Variants in CFP observed in about 807,000 individuals in gnomAD.
The protein encoded by CFP is complement factor properdin, also known as properdin.
A neutral mutation model predicts 42.1 loss-of-function variants in CFP; 14 were observed. The ratio of observed to expected loss-of-function variants is 0.33; its 90% CI spans 0.22 to 0.52. CFP has a LOEUF of 0.52. CFP is among the 20% of genes least tolerant of loss of function. The pLI, the probability that CFP is intolerant of heterozygous loss-of-function variation, is 0.96. For missense variants in CFP, 318 were observed against 400.4 expected, an observed-to-expected ratio of 0.79 and a Z score of 1.76; for synonymous variants, 149 against 160.6, an observed-to-expected ratio of 0.93 and a Z score of 0.54.
At position 47,626,958 on chromosome X, in the gene CFP, G is replaced by C. The variant is rs753693226; in HGVS notation, c.767-12C>G. ...CCAGCCCCCAGCCACTGTTGGAGGA[G>C]GAAAGGGAGTGAGGAGAAAGGCCTC... On this transcript the variant is annotated splice_polypyrimidine_tract_variant and intron_variant, in intron 5 of 8. Transcript: ENST00000396992. 5 of 1,173,833 alleles carry C rather than the reference G, an allele frequency of 4.3e-6. No homozygotes were observed. In the South Asian group the frequency reaches 9.4e-5, roughly 22 times the overall value.
Position 47,629,885 on chromosome X carries a change from C to A in CFP, c.-41G>T. 6 of 1,140,116 alleles carry A rather than the reference C, an allele frequency of 5.3e-6. No homozygotes were observed. The highest frequency in any genetic ancestry group is 7.1e-6 in the Non-Finnish European group (6 of 848,047). The allele number at this position is 1,140,116 out of a possible 1,213,427, so 94.0% of individuals were successfully genotyped here. On this transcript the variant is annotated 5_prime_UTR_variant, in exon 1 of 9. Coordinates refer to ENST00000396992, the MANE Select transcript of CFP (RefSeq NM_001145252.3). The stretch of plus-strand genomic sequence containing the variant: ...CTGCACCTCTACCAGAGAGGAGGTC[C>A]CGCTTTATCTGGGTTGATAGGCTCC...
chrX:47,626,485 G>A lies in CFP; in HGVS notation c.975C>T (p.Ser325=). 1.7e-6 allele frequency: 2 copies of A among 1,211,762 alleles called. No homozygotes were observed. The highest frequency in any genetic ancestry group is 2.2e-6 in the Non-Finnish European group (2 of 895,444). The stretch of plus-strand genomic sequence containing the variant: ...ACTTCATGTTCCGTCGGATACAGGG[G>A]CTCCACTCCCCCCACGAGTCCCACT... ...DGEWDSWGEW[S]PCIRRNMKSI... is the part of the protein sequence containing the mutation. The change falls in exon 7 of 9, where the codon AGC becomes AGT. Residue 325 remains serine (S), a synonymous_variant. Transcript: ENST00000396992.
Position 47,626,387 on chromosome X carries a change from T to C in CFP, c.1073A>G (p.His358Arg). The C allele has an allele frequency of 5.0e-6, 6 of 1,211,608 alleles. No homozygotes were observed. The highest frequency in any genetic ancestry group is 6.7e-6 in the Non-Finnish European group (6 of 895,427). Residue 358 changes from histidine to arginine, a missense_variant, in exon 7 of 9, where the codon CAT becomes CGT. By Grantham distance (29) the His-to-Arg change is conservative. Coordinates refer to ENST00000396992, the MANE Select transcript of CFP (RefSeq NM_001145252.3). Reference protein sequence around the residue: ...RTCRGRKFDGHRCAGQQQDIR... With the variant: ...RTCRGRKFDGRRCAGQQQDIR... ...ATCCTGCTGTTGCCCGGCACATCGA[T>C]GTCCGTCAAACTTGCGGCCCCTGCA...
chrX:47,627,119 C>T (rs1244249716), intron 5 of CFP, 22 bp downstream of exon 5: 14 of 1,209,631 alleles, frequency 1.2e-5, no homozygotes, highest in Non-Finnish European at 1.5e-5. Context: ...CCAGCAACAT[C>T]AGCAGCCTCA....
chrX:47,626,895 C>T lies in CFP; in HGVS notation c.818G>A (p.Cys273Tyr), dbSNP rs1183337337. ...TTGTTCCATGGTCTGGCCCAGGCCA[C>T]AGGTCACAGGGCAGGGGCTCACAGG... ...WGPVSPCPVT[C>Y]GLGQTMEQRT... The change falls in exon 6 of 9, where the codon TGT becomes TAT. Residue 273 changes from cysteine (C) to tyrosine (Y), a missense_variant. Coordinates refer to ENST00000396992, the MANE Select transcript of CFP (RefSeq NM_001145252.3). 1 of 1,198,926 alleles carries T rather than the reference C, an allele frequency of 8.3e-7. No individual in the cohort carries two copies. The highest frequency in any genetic ancestry group is 1.1e-6 in the Non-Finnish European group (1 of 888,540).
chrX:47,629,489 C>CGG, intron 2 of CFP, 35 bp downstream of exon 2: 13 of 654,425 alleles, frequency 2.0e-5, no homozygotes, highest in Non-Finnish European at 2.6e-5. Context: ...CAGTCCTTCC[C>CGG]TCCCCCCCAT....
rs1189712034 is a variant in CFP at position 47,629,490 on chromosome X, TC to T, written c.227+33del. The T allele has an allele frequency of 5.1e-5, 19 of 373,655 alleles. No homozygotes were observed. In the East Asian group the frequency reaches 6.2e-4, roughly 12 times the overall value. 30.8% of individuals were successfully genotyped at this position (373,655 alleles called of 1,213,427 possible). The stretch of plus-strand genomic sequence containing the variant: ...GTGACCCCCACAGACAGTCCTTCCC[TC>T]CCCCCCATCCCCCACCCCAGGCTCC... On this transcript the variant is annotated intron_variant, in intron 2 of 8. Transcript: ENST00000396992.
In CFP at chrX:47,629,685, G is replaced by C; in HGVS notation, c.77-11C>G. 2 of 803,508 alleles carry C rather than the reference G, an allele frequency of 2.5e-6. No homozygotes were observed. Among genetic ancestry groups the C allele is most frequent in the Non-Finnish European group, 3.6e-6 (2 of 557,005 alleles). 66.2% of individuals were successfully genotyped at this position (803,508 alleles called of 1,213,427 possible). On this transcript the variant is annotated splice_polypyrimidine_tract_variant and intron_variant, in intron 1 of 8. Transcript: ENST00000396992. ...GCACGGGGTCTGAGCCTGTAACAGG[G>C]CCAGGGGATGGGTGGGTGGGGCTCG...
chrX:47,629,567 AG>A lies in CFP; in HGVS notation c.183del (p.Phe62LeufsTer30). On this transcript the variant is annotated frameshift_variant, in exon 2 of 9. Coordinates refer to ENST00000396992, the MANE Select transcript of CFP (RefSeq NM_001145252.3). LOFTEE classifies it high-confidence loss of function. ...CCACCACTACGTTTCTGGTAGGCAA[AG>A]GCAGTGTTGAGACAGCAGTCTTCCA... ...VSVEDCCLNT[A>X]FAYQKRSGGL... 8.5e-7 allele frequency: 1 copy of A among 1,171,932 alleles called. No individual in the cohort carries two copies. Among genetic ancestry groups the A allele is most frequent in the Non-Finnish European group, 1.1e-6 (1 of 874,715 alleles).
Position 47,629,506 on chromosome X carries a change from C to A in CFP, c.227+18G>T, listed in dbSNP as rs769946055. On this transcript the variant is annotated intron_variant, in intron 2 of 8. Transcript: ENST00000396992. ...GTCCTTCCCTCCCCCCCATCCCCCA[C>A]CCCAGGCTCCCCCTAACCTGCAAGG... 3.8e-6 allele frequency: 4 copies of A among 1,046,780 alleles called. No homozygotes were observed. Among genetic ancestry groups the A allele is most frequent in the East Asian group, 6.7e-5 (2 of 30,020 alleles). 86.3% of individuals were successfully genotyped at this position (1,046,780 alleles called of 1,213,427 possible).
chrX:47,629,849 A>T lies in CFP; in HGVS notation c.-5T>A, dbSNP rs1229740872. On this transcript the variant is annotated 5_prime_UTR_variant, in exon 1 of 9. Transcript: ENST00000396992. ...CTGCGCTCCCTCTGTGATCATGTTG[A>T]GTACTGCCCCCTGCACCTCTACCAG... is the stretch of plus-strand genomic sequence containing the variant. The T allele has an allele frequency of 4.3e-6, 5 of 1,163,918 alleles. No homozygotes were observed. In the Admixed American group the frequency reaches 1.3e-4, roughly 30 times the overall value.
chrX:47,629,463 G>T, intron 2 of CFP, 61 bp downstream of exon 2: 1 of 980,711 alleles, frequency 1.0e-6, no homozygotes, highest in Non-Finnish European at 1.4e-6. Flanking sequence ...GCCCAGTTTT[G>T]GGTGACCCCC....
intron 5 of CFP, 84 bp from the exon 6 acceptor site, chrX:47,627,030 CA>C (rs1429190268): frequency 1.6e-5 from 18 of 1,143,233 alleles, no homozygotes; most frequent in Non-Finnish European, 2.0e-5. Context: ...AGACTGTCCC[CA>C]AATGAAGGGC....
intron 8 of CFP, 128 bp downstream of exon 8, chrX:47,625,930 G>A (rs1418596545): frequency 1.3e-5 from 7 of 546,315 alleles, no homozygotes; most frequent in Non-Finnish European, 2.3e-5. Context: ...TCCTGCAGCT[G>A]GGAGGTGGCA....
In CFP at chrX:47,624,147, G is replaced by T; in HGVS notation, c.*128C>A. 2 of 709,125 alleles carry T rather than the reference G, an allele frequency of 2.8e-6. No individual in the cohort carries two copies. The highest frequency in any genetic ancestry group is 4.5e-6 in the Non-Finnish European group (2 of 445,689). 58.4% of individuals were successfully genotyped at this position (709,125 alleles called of 1,213,427 possible). On this transcript the variant is annotated 3_prime_UTR_variant, in exon 9 of 9. Coordinates refer to ENST00000396992, the MANE Select transcript of CFP (RefSeq NM_001145252.3). Reference sequence around the variant, plus strand: ...TGCTGTGCTGTTTGCCCTATGAGATGCTATCACCCTACTTTTGGGGAAGGG... The same window carrying T: ...TGCTGTGCTGTTTGCCCTATGAGATTCTATCACCCTACTTTTGGGGAAGGG...
In CFP at chrX:47,627,191, G is replaced by A. The variant is rs200036265; in HGVS notation, c.716C>T (p.Pro239Leu). The A allele has an allele frequency of 2.4e-4, 290 of 1,210,756 alleles. No homozygotes were observed. Among genetic ancestry groups the A allele is most frequent in the Admixed American group, 3.3e-4 (15 of 45,986 alleles). ...PSQKPPGKPC[P>L]GLAYEQRRCT... Reference sequence around the variant, plus strand: ...CCTCCGCTGCTCGTAGGCTAGCCCCGGGCAGGGCTTCCCAGGAGGTTTCTG... The same window carrying A: ...CCTCCGCTGCTCGTAGGCTAGCCCCAGGCAGGGCTTCCCAGGAGGTTTCTG... Residue 239 changes from proline to leucine, a missense_variant, in exon 5 of 9, where the codon CCG (proline) becomes CTG (leucine). Physicochemically the swap from Pro to Leu is moderately conservative, Grantham distance 98 (BLOSUM62 -3). Transcript: ENST00000396992.
At chrX:47,630,132 G>T, upstream of CFP, 1 of 379,100 alleles carries the variant, frequency 2.6e-6, no homozygotes, top group Non-Finnish European at 4.7e-6. Context: ...TTCTCACCCA[G>T]AGGAAATGGA....
At chrX:47,629,229 G>C (rs2057981012) in intron 2 of CFP, 2 of 326,904 alleles carry the variant, frequency 6.1e-6, no homozygotes, top group Admixed American at 5.3e-5. Flanking sequence ...GGCAATGTCT[G>C]CTGACATGTT....
chrX:47,626,758 C>T lies in CFP; in HGVS notation c.940+15G>A. 1 of 1,196,871 alleles carries T rather than the reference C, an allele frequency of 8.4e-7. No homozygotes were observed. The highest frequency in any genetic ancestry group is 1.1e-6 in the Non-Finnish European group (1 of 886,555). On this transcript the variant is annotated intron_variant, in intron 6 of 8. Transcript: ENST00000396992. ...GGGACTTAGGCATGCAAATCGTGAACCCTGAGATGCTGACCAGGGCAGGGC... is the reference window on the plus strand; with the variant it reads ...GGGACTTAGGCATGCAAATCGTGAATCCTGAGATGCTGACCAGGGCAGGGC...
Sources: allele counts gnomAD v4.1 joint callset, GRCh38; gene constraint gnomAD v4.1.1; transcripts MANE v1.5; gene names NCBI Gene and HGNC (gene_info 2026-07-23, HGNC 2026-07-21).